EPHA6: variants seen among roughly 807,000 people sequenced by gnomAD.
EPHA6 encodes ephrin type-A receptor 6.
In EPHA6, 50 loss-of-function variants were observed where a neutral mutation model predicts 112.0. The ratio of observed to expected loss-of-function variants is 0.45; its 90% CI spans 0.36 to 0.56. The LOEUF is 0.56. Among genes scored for constraint, EPHA6 ranks in the 20% least tolerant of loss-of-function variants. The pLI is 0.00. For synonymous variants in EPHA6, 529 were observed against 490.7 expected, an observed-to-expected ratio of 1.08 and a Z score of -1.03; for missense variants, 1,280 against 1,417.4, an observed-to-expected ratio of 0.90 and a Z score of 1.56.
intron 11 of EPHA6, among the ~76,000 whole-genome samples, chr3:97,550,558 C>T (rs2093015767): frequency 6.6e-6 from 1 of 152,166 alleles, no homozygotes; most frequent in Non-Finnish European, 1.5e-5. Flanking sequence ...CAGGCTATTG[C>T]AGCAACCAAG....
In EPHA6 at chr3:97,599,585, G is replaced by A. The variant is rs1432541952; in HGVS notation, c.2512+6848G>A. Reference sequence around the variant, plus strand: ...AAAGATCAGACAGTTGTAGGTATGCGGCGTTATTTCTGAGGGCTCTGTTCT... The same window carrying A: ...AAAGATCAGACAGTTGTAGGTATGCAGCGTTATTTCTGAGGGCTCTGTTCT... On this transcript the variant is annotated intron_variant, in intron 12 of 17. Transcript: ENST00000389672. Among the ~76,000 whole-genome samples, 12 of 150,414 alleles carry A rather than the reference G, an allele frequency of 8.0e-5. No homozygotes were observed. The East Asian group carries it at 9.7e-4, about 12-fold the overall frequency.
chr3:97,604,936 T>C (rs1310291022), intron 12 of EPHA6, among the ~76,000 whole-genome samples: 1 of 151,530 alleles, frequency 6.6e-6, no homozygotes, highest in Non-Finnish European at 1.5e-5. Context: ...TGAAATTGAA[T>C]ACCTACTCTG....
chr3:96,817,543 TTTAA>T (rs2032896433), intron 1 of EPHA6, among the ~76,000 whole-genome samples: 2 of 151,958 alleles, frequency 1.3e-5, no homozygotes, highest in South Asian at 4.1e-4. Flanking sequence ...AGAAGATAGT[TTTAA>T]TTGTCCAATA....
At chr3:97,163,162 T>A (rs1222544533) in intron 3 of EPHA6, among the ~76,000 whole-genome samples, 1 of 152,188 alleles carries the variant, frequency 6.6e-6, no homozygotes, top group African/African-American at 2.4e-5. Flanking sequence ...CCATTGTGGG[T>A]TCTACTGAAA....
At chr3:97,361,134 A>G (rs2084348784) in intron 5 of EPHA6, among the ~76,000 whole-genome samples, 1 of 152,230 alleles carries the variant, frequency 6.6e-6, no homozygotes, top group Non-Finnish European at 1.5e-5. Context: ...TAAACAACAC[A>G]AAAATTTCAT....
intron 6 of EPHA6, chr3:97,447,684 A>G (rs1490829462): frequency 3.8e-6 from 3 of 782,604 alleles, no homozygotes; most frequent in Non-Finnish European, 3.1e-6. Flanking sequence ...GATAGTGGGC[A>G]AGAGAGACCA....
chr3:97,004,006 T>C (rs1250948005), intron 3 of EPHA6, among the ~76,000 whole-genome samples: 1 of 152,174 alleles, frequency 6.6e-6, no homozygotes, highest in African/African-American at 2.4e-5. Flanking sequence ...TATTCCATGG[T>C]GTATATAGAT....
chr3:97,010,214 G>A (rs1287628165), intron 3 of EPHA6: 1 of 607,502 alleles, frequency 1.6e-6, no homozygotes, highest in Non-Finnish European at 2.4e-6. Context: ...GTCAATCAAA[G>A]GGAAATTCTA....
chr3:97,715,977 G>C (rs2034198695), intron 14 of EPHA6, among the ~76,000 whole-genome samples: 1 of 152,134 alleles, frequency 6.6e-6, no homozygotes, highest in Non-Finnish European at 1.5e-5. Flanking sequence ...AGAAGTATTA[G>C]TAAATGAGAA....
At chr3:97,090,222 A>G (rs76702581) in intron 3 of EPHA6, among the ~76,000 whole-genome samples, 2,189 of 152,194 alleles carry the variant, frequency 0.014, 39 homozygotes, top group African/African-American at 0.049. Flanking sequence ...AAAATGGATT[A>G]AGTTACTAAT....
intron 5 of EPHA6, among the ~76,000 whole-genome samples, chr3:97,397,523 T>A (rs1406251292): frequency 6.6e-6 from 1 of 151,568 alleles, no homozygotes; most frequent in African/African-American, 2.4e-5. Context: ...ATCCAGCATT[T>A]GGGGGTTTAT....
intron 14 of EPHA6, among the ~76,000 whole-genome samples, chr3:97,684,880 A>C (rs1283922039): frequency 6.6e-6 from 1 of 152,234 alleles, no homozygotes; most frequent in Non-Finnish European, 1.5e-5. Flanking sequence ...CCTGTGAAAA[A>C]TATTTTTGAT....
intron 2 of EPHA6, among the ~76,000 whole-genome samples, chr3:96,961,503 AT>A (rs1476824026): frequency 2.0e-5 from 3 of 152,160 alleles, no homozygotes; most frequent in African/African-American, 7.2e-5. Context: ...GGTTGGCTAA[AT>A]TGAGTGTGTC....
intron 2 of EPHA6, among the ~76,000 whole-genome samples, chr3:96,907,575 G>T (rs1378219299): frequency 1.3e-5 from 2 of 151,362 alleles, no homozygotes; most frequent in Non-Finnish European, 3.0e-5. Context: ...GTTTGCATTG[G>T]TACTTTTAAT....
chr3:97,716,203 A>G (rs1216056724), intron 14 of EPHA6, among the ~76,000 whole-genome samples: 2 of 152,244 alleles, frequency 1.3e-5, no homozygotes, highest in Admixed American at 1.3e-4. Flanking sequence ...ATGATTCAAG[A>G]TCATGGGCAA....
At chr3:96,817,006 C>T (rs1268739988) in intron 1 of EPHA6, among the ~76,000 whole-genome samples, 1 of 151,808 alleles carries the variant, frequency 6.6e-6, no homozygotes, top group Non-Finnish European at 1.5e-5. Context: ...ATCCAATTTT[C>T]CCATCAGTTA....
At chr3:97,085,968 C>G (rs771898834) in intron 3 of EPHA6, among the ~76,000 whole-genome samples, 3 of 122,958 alleles carry the variant, frequency 2.4e-5, no homozygotes, top group Non-Finnish European at 4.7e-5. Flanking sequence ...GATGGAGTCT[C>G]TTGTCACTCA....
At chr3:97,490,843 T>G (rs1408580850) in intron 10 of EPHA6, among the ~76,000 whole-genome samples, 1 of 152,228 alleles carries the variant, frequency 6.6e-6, no homozygotes, top group Admixed American at 6.5e-5. Context: ...GCAGTCCTGG[T>G]GTCAGCTGGG....
At chr3:97,575,886 T>C (rs375491526) in intron 11 of EPHA6, among the ~76,000 whole-genome samples, 1 of 152,044 alleles carries the variant, frequency 6.6e-6, no homozygotes. Context: ...GTAGTGAAGA[T>C]AGAAGAAAGA....
Sources: gnomAD v4.1 joint callset for allele counts (sites outside exome capture counted in the v4.1 genomes callset) on GRCh38, gnomAD v4.1.1 for gene constraint, MANE v1.5 for transcripts, NCBI Gene and HGNC (gene_info 2026-07-23, HGNC 2026-07-21) for gene names.